GFOD1: variants seen among roughly 807,000 people sequenced by gnomAD.
GFOD1 encodes the protein glucose-fructose oxidoreductase domain-containing protein 1.
In GFOD1, 9 loss-of-function variants were observed where a neutral mutation model predicts 25.4. That is an observed-to-expected ratio of 0.35 (90% CI 0.21 to 0.62). The LOEUF (loss-of-function observed/expected upper bound fraction) is 0.62, where lower values mean the gene tolerates loss of function less well. GFOD1 is among the 20% of genes least tolerant of loss of function. GFOD1 has a pLI of 0.72. For synonymous variants in GFOD1, 253 were observed against 245.6 expected, an observed-to-expected ratio of 1.03 and a Z score of -0.28; for missense variants, 403 against 556.9, an observed-to-expected ratio of 0.72 and a Z score of 2.78.
intron 1 of GFOD1, among the ~76,000 whole-genome samples, chr6:13,426,052 T>C (rs1200458560): frequency 6.6e-6 from 1 of 152,230 alleles, no homozygotes; most frequent in Non-Finnish European, 1.5e-5. Flanking sequence ...CGCCAGGCAG[T>C]GCCAGTTGGG....
intron 1 of GFOD1, among the ~76,000 whole-genome samples, chr6:13,463,519 G>T (rs1584666821): frequency 6.6e-6 from 1 of 152,216 alleles, no homozygotes; most frequent in East Asian, 1.9e-4. Context: ...GACTGCTCCA[G>T]ATCACAAGCT....
intron 1 of GFOD1, among the ~76,000 whole-genome samples, chr6:13,440,542 T>C (rs1196527229): frequency 6.6e-6 from 1 of 152,170 alleles, no homozygotes; most frequent in African/African-American, 2.4e-5. Flanking sequence ...CTGTAATCAG[T>C]CCATCTACGA....
At position 13,379,053 on chromosome 6, in the gene GFOD1, G is replaced by A. The variant is rs541977177; in HGVS notation, c.254-13391C>T. On this transcript the variant is annotated intron_variant, in intron 1 of 1. Transcript: ENST00000379287. ...ACAGCAGGTGGTAAACATGATTAAC[G>A]TGCTACTGCCCAGAGCACTTTCACC... Among the ~76,000 whole-genome samples, 22 of 152,320 alleles carry A rather than the reference G, an allele frequency of 1.4e-4. No homozygotes were observed. In the South Asian group the frequency reaches 2.1e-3, roughly 14 times the overall value.
At chr6:13,440,339 C>CCA (rs1194043223) in intron 1 of GFOD1, among the ~76,000 whole-genome samples, 1 of 152,172 alleles carries the variant, frequency 6.6e-6, no homozygotes, top group Non-Finnish European at 1.5e-5. Context: ...TAGGCACCCA[C>CCA]CACCACGCTC....
At position 13,409,940 on chromosome 6, in the gene GFOD1, AG is replaced by A. The variant is rs777951880; in HGVS notation, c.254-44279del. Among the ~76,000 whole-genome samples the A allele has an allele frequency of 4.2e-3, 150 of 35,834 alleles. 1 individual carries two copies. The highest frequency in any genetic ancestry group is 5.6e-3 in the African/African-American group (142 of 25,454). The allele number at this position is 35,834 out of a possible 152,430, so 23.5% of individuals were successfully genotyped here. ...TCCATTTCAAAAAAAAAAAAAAAAA[AG>A]AAAGAAAGAAACTGAATTGAAATAG... On this transcript the variant is annotated intron_variant, in intron 1 of 1. Transcript: ENST00000379287.
chr6:13,418,309 G>T (rs930593189), intron 1 of GFOD1, among the ~76,000 whole-genome samples: 1 of 152,132 alleles, frequency 6.6e-6, no homozygotes, highest in East Asian at 1.9e-4. Flanking sequence ...TCTTGGAAGG[G>T]GAATTGTCCC....
chr6:13,482,519 G>A (rs1055957349), intron 1 of GFOD1, among the ~76,000 whole-genome samples: 1 of 152,128 alleles, frequency 6.6e-6, no homozygotes, highest in Non-Finnish European at 1.5e-5. Flanking sequence ...GGCCAACACA[G>A]ATGGATCACC....
At chr6:13,395,868 A>G (rs1286457702) in intron 1 of GFOD1, among the ~76,000 whole-genome samples, 2 of 152,234 alleles carry the variant, frequency 1.3e-5, no homozygotes, top group Non-Finnish European at 2.9e-5. Flanking sequence ...AGGCCGTGGT[A>G]GCCCCAGTCC....
chr6:13,361,903 G>C lies in GFOD1; in HGVS notation c.*2840C>G, dbSNP rs1475535691. ...CATTAAATATGTATTACAGAGCTTA[G>C]AGGCCTTTGTGGGGACCTCTCTCCA... On this transcript the variant is annotated 3_prime_UTR_variant, in exon 2 of 2. Transcript: ENST00000379287. 1.3e-5 allele frequency: 2 copies of C among 152,052 alleles called. No individual in the cohort carries two copies. The highest frequency in any genetic ancestry group is 2.9e-5 in the Non-Finnish European group (2 of 68,024). The allele number at this position is 152,052 out of a possible 1,614,324, so 9.4% of individuals were successfully genotyped here. A position where few individuals can be genotyped will look rare whatever the true frequency, so the allele number is the denominator to read the frequency against.
chr6:13,443,715 C>A (rs2127572457), intron 1 of GFOD1, among the ~76,000 whole-genome samples: 1 of 150,066 alleles, frequency 6.7e-6, no homozygotes, highest in Admixed American at 6.7e-5. Context: ...ACTCGGGAGG[C>A]TGAAGAAGGA....
At position 13,450,519 on chromosome 6, in the gene GFOD1, T is replaced by C. The variant is rs374556200; in HGVS notation, c.253+36119A>G. 6.6e-5 allele frequency among the ~76,000 whole-genome samples: 10 copies of C among 152,272 alleles called. No individual in the cohort carries two copies. The East Asian group carries it at 1.9e-3, about 29-fold the overall frequency. ...ACCAGCAAAGAGAAGGTGCATGGGA[T>C]GAAGACCGGAGCACACCAGGCCCAA... On this transcript the variant is annotated intron_variant, in intron 1 of 1. Coordinates refer to ENST00000379287, the MANE Select transcript of GFOD1 (RefSeq NM_018988.4).
chr6:13,465,571 G>GTA (rs1758365932), intron 1 of GFOD1, among the ~76,000 whole-genome samples: 1 of 152,192 alleles, frequency 6.6e-6, no homozygotes, highest in Non-Finnish European at 1.5e-5. Context: ...TAAAAAACAT[G>GTA]TATACCTAGT....
At chr6:13,456,136 C>T (rs1447122676) in intron 1 of GFOD1, among the ~76,000 whole-genome samples, 1 of 152,164 alleles carries the variant, frequency 6.6e-6, no homozygotes, top group Non-Finnish European at 1.5e-5. Context: ...AATGAGGCTT[C>T]TAAGAGACTC....
chr6:13,470,527 G>C, intron 1 of GFOD1: 1 of 1,549,796 alleles, frequency 6.5e-7, no homozygotes, highest in Non-Finnish European at 8.7e-7. Context: ...GTCCCATGTG[G>C]GGGTGCTGGA....
chr6:13,386,904 C>G (rs1785486528), intron 1 of GFOD1, among the ~76,000 whole-genome samples: 1 of 152,140 alleles, frequency 6.6e-6, no homozygotes, highest in Non-Finnish European at 1.5e-5. Context: ...AAGCTAGGGT[C>G]AAGAAGTTTG....
chr6:13,422,129 C>T (rs1197620156), intron 1 of GFOD1, among the ~76,000 whole-genome samples: 5 of 152,082 alleles, frequency 3.3e-5, no homozygotes. Flanking sequence ...AGAACACATG[C>T]ACAAACACAC....
chr6:13,441,261 C>G (rs973289924), intron 1 of GFOD1, among the ~76,000 whole-genome samples: 4 of 152,202 alleles, frequency 2.6e-5, no homozygotes, highest in Non-Finnish European at 5.9e-5. Context: ...CTCCCACATC[C>G]ACGCTGCCAG....
rs1221145220 is a variant in GFOD1, at chr6:13,430,133, G to T, written c.253+56505C>A. Among the ~76,000 whole-genome samples, 1 of 152,148 alleles carries T rather than the reference G, an allele frequency of 6.6e-6. No individual in the cohort carries two copies. The highest frequency in any genetic ancestry group is 1.9e-4 in the East Asian group (1 of 5,192). The stretch of plus-strand genomic sequence containing the variant: ...CTGTGTAGCTGCACTCTGTAGGAAT[G>T]CTTGCTTTTAAAATCCAGCCAGGCC... On this transcript the variant is annotated intron_variant, in intron 1 of 1. Transcript: ENST00000379287. The surrounding 1 kb of genome is among the most constrained non-coding windows in gnomAD (Gnocchi z 4.1).
rs1203791416 is a variant in GFOD1, at chr6:13,450,031, G to A, written c.253+36607C>T. Among the ~76,000 whole-genome samples the A allele has an allele frequency of 2.6e-5, 4 of 152,128 alleles. No individual in the cohort carries two copies. In the East Asian group the frequency reaches 5.8e-4, roughly 22 times the overall value. ...AAGGAATGCTGCTGCTGCTCTTTCC[G>A]AAGAACGCTGCCAGAGCTGCCCAGG... On this transcript the variant is annotated intron_variant, in intron 1 of 1. Transcript: ENST00000379287.
Sources: allele counts gnomAD v4.1 joint callset (sites outside exome capture counted in the v4.1 genomes callset), GRCh38; gene constraint gnomAD v4.1.1; non-coding constraint Gnocchi (gnomAD v3.1); transcripts MANE v1.5; gene names NCBI Gene and HGNC (gene_info 2026-07-23, HGNC 2026-07-21).